Variants in RUFY1 observed in about 807,000 individuals in gnomAD.
RUFY1 encodes the protein RUN and FYVE domain-containing protein 1.
In RUFY1, 54 loss-of-function variants were observed where a neutral mutation model predicts 94.6. The observed-to-expected ratio is 0.57, with a 90% CI of 0.46 to 0.72. The LOEUF is 0.72. Ranked by LOEUF, RUFY1 falls within the 30% of genes least tolerant of loss-of-function variation. The pLI is 0.00. For synonymous variants in RUFY1, 396 were observed against 347.3 expected, an observed-to-expected ratio of 1.14 and a Z score of -1.56; for missense variants, 883 against 883.9, an observed-to-expected ratio of 1.00 and a Z score of 0.01.
chr5:179,570,376 A>G (rs187645039), intron 5 of RUFY1, among the ~76,000 whole-genome samples: 1 of 152,316 alleles, frequency 6.6e-6, no homozygotes, highest in East Asian at 1.9e-4. Context: ...GCAAGCCTGG[A>G]TGGGGAGTAG....
At chr5:179,558,292 G>T (rs1680007486) in intron 1 of RUFY1, among the ~76,000 whole-genome samples, 1 of 152,006 alleles carries the variant, frequency 6.6e-6, no homozygotes, top group Non-Finnish European at 1.5e-5. Context: ...AATTATACTG[G>T]CCAGACATGG....
chr5:179,560,404 C>T (rs1017786663), intron 2 of RUFY1, among the ~76,000 whole-genome samples: 13 of 152,190 alleles, frequency 8.5e-5, no homozygotes, highest in Non-Finnish European at 1.8e-4. Flanking sequence ...TTTAAAGTTT[C>T]TGGTAGCCAG....
intron 1 of RUFY1, among the ~76,000 whole-genome samples, chr5:179,554,925 G>T (rs1371872267): frequency 1.3e-5 from 2 of 151,706 alleles, no homozygotes; most frequent in Non-Finnish European, 2.9e-5. Context: ...CCAAGATCAC[G>T]CCACTGCACT....
Position 179,609,560 on chromosome 5 carries a change from A to AC in RUFY1, c.*44dup. The AC allele has an allele frequency of 1.3e-6, 2 of 1,530,358 alleles. No homozygotes were observed. Among genetic ancestry groups the AC allele is most frequent in the South Asian group, 1.2e-5 (1 of 84,190 alleles). The allele number at this position is 1,530,358 out of a possible 1,614,324, so 94.8% of individuals were successfully genotyped here. ...AGCACAGCCTCACGGACAGTGCCAA[A>AC]CCCTGTGGGTCTCCAGGGGCTTGGG... is the stretch of plus-strand genomic sequence containing the variant. On this transcript the variant is annotated 3_prime_UTR_variant, in exon 18 of 18. Transcript: ENST00000319449.
chr5:179,577,623 GC>G (rs1175080085), intron 6 of RUFY1, among the ~76,000 whole-genome samples: 17 of 127,416 alleles, frequency 1.3e-4, no homozygotes. Flanking sequence ...GGCCGAAAGA[GC>G]AAATCCGGGG....
rs75592060 is a variant in RUFY1, at chr5:179,573,482, T to C, written c.829-3593T>C. On this transcript the variant is annotated intron_variant, in intron 5 of 17. Coordinates refer to ENST00000319449, the MANE Select transcript of RUFY1 (RefSeq NM_025158.5). ...GGTTTCTCACGTTTAGAGAGTGCTT[T>C]CCACTCCAGTTTACCTTGTGTTTTG... Among the ~76,000 whole-genome samples, 1,013 of 152,262 alleles carry C rather than the reference T, an allele frequency of 6.7e-3. 15 individuals carry two copies. The highest frequency in any genetic ancestry group is 0.021 in the African/African-American group (884 of 41,550).
intron 5 of RUFY1, among the ~76,000 whole-genome samples, chr5:179,576,079 C>T (rs1203056310): frequency 6.6e-6 from 1 of 152,178 alleles, no homozygotes; most frequent in Non-Finnish European, 1.5e-5. Context: ...CCGTGCCCAG[C>T]TTTTCTATAT....
chr5:179,563,340 C>G (rs1561972317), intron 3 of RUFY1, among the ~76,000 whole-genome samples: 1 of 152,192 alleles, frequency 6.6e-6, no homozygotes, highest in Non-Finnish European at 1.5e-5. Context: ...AGGCATTGTG[C>G]TGAGAACATT....
chr5:179,569,078 T>C (rs111229954), intron 4 of RUFY1: 1 of 984,810 alleles, frequency 1.0e-6, no homozygotes, highest in Non-Finnish European at 1.2e-6. Context: ...GAGTTAACTT[T>C]AGACAGGAGG....
At chr5:179,564,506 G>C (rs1762683929) in intron 3 of RUFY1, among the ~76,000 whole-genome samples, 1 of 147,706 alleles carries the variant, frequency 6.8e-6, no homozygotes, top group Admixed American at 6.9e-5. Context: ...CTCACTGTAA[G>C]CTCCACCTCC....
At chr5:179,562,129 G>C (rs936972886) in intron 2 of RUFY1, among the ~76,000 whole-genome samples, 2 of 151,844 alleles carry the variant, frequency 1.3e-5, no homozygotes, top group Non-Finnish European at 2.9e-5. Flanking sequence ...GAAGGATTAA[G>C]CAGGCCGGGC....
intron 13 of RUFY1, among the ~76,000 whole-genome samples, chr5:179,597,774 C>T (rs1044804032): frequency 3.9e-5 from 6 of 152,202 alleles, no homozygotes; most frequent in African/African-American, 9.6e-5. Flanking sequence ...AGACTCCAGG[C>T]GGTCCAGCAG....
intron 1 of RUFY1, among the ~76,000 whole-genome samples, chr5:179,551,214 G>T (rs1032343227): frequency 1.3e-5 from 2 of 152,234 alleles, no homozygotes; most frequent in African/African-American, 4.8e-5. Flanking sequence ...CTTTTCAGCC[G>T]TTCAGTGCGG....
chr5:179,585,435 C>T (rs1299592907), intron 7 of RUFY1, among the ~76,000 whole-genome samples: 4 of 152,096 alleles, frequency 2.6e-5, no homozygotes, highest in Non-Finnish European at 5.9e-5. Context: ...AAAAATTAGC[C>T]AGGTGCAGTG....
chr5:179,568,298 G>T (rs1044022056), intron 4 of RUFY1, among the ~76,000 whole-genome samples: 1 of 151,968 alleles, frequency 6.6e-6, no homozygotes, highest in Non-Finnish European at 1.5e-5. Flanking sequence ...TTTATGACTG[G>T]TTCATTTTTT....
At chr5:179,591,506 T>C (rs1765102077) in intron 9 of RUFY1, 119 bp from the exon 10 acceptor site, 2 of 715,260 alleles carry the variant, frequency 2.8e-6, no homozygotes, top group Non-Finnish European at 4.7e-6. Context: ...TTTTCTACCA[T>C]GCTTAAAAAA....
chr5:179,570,206 T>G (rs1194678380), intron 5 of RUFY1, among the ~76,000 whole-genome samples: 2 of 152,208 alleles, frequency 1.3e-5, no homozygotes, highest in African/African-American at 2.4e-5. Context: ...TCCCCTTTTA[T>G]CCTGAGCTTT....
At chr5:179,555,819 A>C in intron 1 of RUFY1, 1 of 276,178 alleles carries the variant, frequency 3.6e-6, no homozygotes, top group Non-Finnish European at 7.1e-6. Flanking sequence ...TTTTTTTTTT[A>C]ATTGATCATT....
At chr5:179,552,526 G>A (rs1255622414) in intron 1 of RUFY1, among the ~76,000 whole-genome samples, 1 of 152,186 alleles carries the variant, frequency 6.6e-6, no homozygotes, top group African/African-American at 2.4e-5. Context: ...AGGATGATGA[G>A]AGCCTGGGCA....
Sources: allele counts gnomAD v4.1 joint callset (sites outside exome capture counted in the v4.1 genomes callset), GRCh38; gene constraint gnomAD v4.1.1; transcripts MANE v1.5; gene names NCBI Gene and HGNC (gene_info 2026-07-23, HGNC 2026-07-21).